The following MTUS1 variants were observed in gnomAD, a reference collection of about 807,000 sequenced individuals.
The protein encoded by MTUS1 is microtubule-associated tumor suppressor 1.
Under a neutral mutation model 120.8 loss-of-function variants are expected in MTUS1, and 109 were observed. The observed-to-expected ratio is 0.90, with a 90% CI of 0.77 to 1.06. MTUS1 has a LOEUF of 1.06. MTUS1 is among the 50% of genes least tolerant of loss of function. MTUS1 has a pLI of 0.00. For missense variants in MTUS1, 2,210 were observed against 1,486.3 expected (o/e 1.49, Z -8.01); for synonymous variants, 737 against 550.5 (o/e 1.34, Z -4.74).
chr8:17,743,774 G>A lies in MTUS1; in HGVS notation c.2117C>T (p.Thr706Ile). 1 of 1,613,972 alleles carries A rather than the reference G, an allele frequency of 6.2e-7. No homozygotes were observed. The highest frequency in any genetic ancestry group is 1.1e-5 in the South Asian group (1 of 91,050). Residue 706 changes from threonine to isoleucine, a missense_variant, in exon 3 of 15, where the codon ACC (threonine) becomes ATC (isoleucine). By Grantham distance (89) the Thr-to-Ile change is moderately conservative. Transcript: ENST00000693296. Reference sequence around the variant, plus strand: ...AGGCTTGGATATATTCCTACCTGAGGTGGTCGTTGTTTTTGAAGCAGAGCC... The same window carrying A: ...AGGCTTGGATATATTCCTACCTGAGATGGTCGTTGTTTTTGAAGCAGAGCC... ...FLGSASKTTT[T>I]SGRNISKPDS...
At chr8:17,797,346 A>C (rs762302218) in intron 1 of MTUS1, among the ~76,000 whole-genome samples, 27 of 152,160 alleles carry the variant, frequency 1.8e-4, no homozygotes, top group Non-Finnish European at 3.7e-4. Flanking sequence ...CTGGGACGTG[A>C]AGGCTGCAGT....
rs932938927 is a variant in MTUS1, at chr8:17,743,803, T to G, written c.2092-4A>C. On this transcript the variant is annotated splice_polypyrimidine_tract_variant and splice_region_variant and intron_variant, in intron 2 of 14. Transcript: ENST00000693296. The stretch of plus-strand genomic sequence containing the variant: ...TCGTTGTTTTTGAAGCAGAGCCCTG[T>G]GAAAATAACAGTTAAGACTGTAAAC... 2 of 1,612,854 alleles carry G rather than the reference T, an allele frequency of 1.2e-6. No homozygotes were observed. The highest frequency in any genetic ancestry group is 1.7e-6 in the Non-Finnish European group (2 of 1,179,432).
At chr8:17,673,908 A>T (rs535139415) in intron 8 of MTUS1, among the ~76,000 whole-genome samples, 3 of 152,294 alleles carry the variant, frequency 2.0e-5, no homozygotes, top group African/African-American at 7.2e-5. Context: ...GGGTGAACAC[A>T]ATTTGCTTCT....
chr8:17,677,139 A>C (rs947195585), intron 7 of MTUS1, among the ~76,000 whole-genome samples: 4 of 152,218 alleles, frequency 2.6e-5, no homozygotes, highest in Non-Finnish European at 5.9e-5. Flanking sequence ...AGAGTTTCTT[A>C]AAATAATAAG....
At chr8:17,672,004 G>T (rs188637706) in intron 8 of MTUS1, among the ~76,000 whole-genome samples, 11 of 152,270 alleles carry the variant, frequency 7.2e-5, no homozygotes, top group Admixed American at 2.0e-4. Context: ...ACTCAAAGAA[G>T]TTAGGTAACA....
At chr8:17,733,556 AGTAGT>A (rs2046737767) in intron 3 of MTUS1, among the ~76,000 whole-genome samples, 1 of 152,192 alleles carries the variant, frequency 6.6e-6, no homozygotes, top group Non-Finnish European at 1.5e-5. Flanking sequence ...CTGGGAAGAG[AGTAGT>A]GTAAACTTGA....
intron 6 of MTUS1, among the ~76,000 whole-genome samples, chr8:17,703,401 T>A (rs7386823): frequency 0.99 from 150,388 of 152,184 alleles, 74,330 homozygotes; most frequent in East Asian, 1. Flanking sequence ...TGGGAGGCTG[T>A]GGCGGGCAGA....
chr8:17,705,298 T>C (rs1367392430), intron 6 of MTUS1, among the ~76,000 whole-genome samples: 1 of 152,338 alleles, frequency 6.6e-6, no homozygotes, highest in Non-Finnish European at 1.5e-5. Context: ...TCTAAGGTTT[T>C]TTAAAGCTTT....
intron 1 of MTUS1, among the ~76,000 whole-genome samples, chr8:17,757,246 A>G (rs117890592): frequency 0.017 from 2,589 of 152,338 alleles, 33 homozygotes; most frequent in South Asian, 0.067. Flanking sequence ...CACATGGTAC[A>G]ACACGGATAT....
intron 3 of MTUS1, among the ~76,000 whole-genome samples, chr8:17,741,767 T>C (rs1201095780): frequency 6.6e-6 from 1 of 152,170 alleles, no homozygotes; most frequent in Non-Finnish European, 1.5e-5. Context: ...CAGAGAATCA[T>C]ACCAGTAACA....
Position 17,755,301 on chromosome 8 carries a change from G to C in MTUS1, c.507C>G (p.Asn169Lys). The C allele has an allele frequency of 1.9e-6, 3 of 1,614,174 alleles. No homozygotes were observed. The highest frequency in any genetic ancestry group is 4.5e-5 in the East Asian group (2 of 44,880). The change falls in exon 2 of 15, where the codon AAC (asparagine) becomes AAG (lysine). Residue 169 changes from asparagine to lysine, a missense_variant. Transcript: ENST00000693296. ...TGGCATGATGTGATATAAAGGTGCA[G>C]TTAACTTTATCCACTGTCATGTCAA... ...QTFDMTVDKV[N>K]CTFISHHAIG... is the part of the protein sequence containing the mutation.
intron 1 of MTUS1, among the ~76,000 whole-genome samples, chr8:17,784,786 G>T (rs1162594506): frequency 2.1e-5 from 2 of 93,620 alleles, no homozygotes; most frequent in East Asian, 5.2e-4. Flanking sequence ...ATAACAAGAA[G>T]AACTTTTTTT....
At chr8:17,674,623 G>A (rs574322849) in intron 8 of MTUS1, 375 of 986,592 alleles carry the variant, frequency 3.8e-4, no homozygotes, top group Non-Finnish European at 4.3e-4. Context: ...GTAAACTGCA[G>A]GGCTGGGTGG....
chr8:17,663,356 C>T (rs187010057), intron 8 of MTUS1, among the ~76,000 whole-genome samples: 7 of 152,334 alleles, frequency 4.6e-5, no homozygotes, highest in Admixed American at 2.6e-4. Context: ...AAGCATTACA[C>T]AGCCATGGCC....
intron 7 of MTUS1, among the ~76,000 whole-genome samples, chr8:17,677,979 G>C (rs1183992368): frequency 6.6e-6 from 1 of 152,138 alleles, no homozygotes; most frequent in Non-Finnish European, 1.5e-5. Context: ...GGCCTACCTA[G>C]AACTAGAACA....
chr8:17,740,677 G>A (rs925632296), intron 3 of MTUS1, among the ~76,000 whole-genome samples: 2 of 152,174 alleles, frequency 1.3e-5, no homozygotes, highest in African/African-American at 2.4e-5. Flanking sequence ...GGCTCAGGCT[G>A]CCATAATAGT....
intron 7 of MTUS1, among the ~76,000 whole-genome samples, chr8:17,680,091 C>A (rs1231109986): frequency 6.6e-6 from 1 of 151,848 alleles, no homozygotes; most frequent in Non-Finnish European, 1.5e-5. Context: ...ATAACACAGA[C>A]AATGAAAGAG....
intron 1 of MTUS1, among the ~76,000 whole-genome samples, chr8:17,795,166 A>T (rs1357092898): frequency 6.6e-6 from 1 of 152,164 alleles, no homozygotes; most frequent in African/African-American, 2.4e-5. Flanking sequence ...TAAGCTAACT[A>T]CCCAACAGTC....
At chr8:17,765,280 G>A (rs1037369412) in intron 1 of MTUS1, among the ~76,000 whole-genome samples, 3 of 152,086 alleles carry the variant, frequency 2.0e-5, no homozygotes, top group African/African-American at 7.2e-5. Context: ...GTGCAGCCCT[G>A]TTCCTAACAG....
Sources: gnomAD v4.1 joint callset for allele counts (sites outside exome capture counted in the v4.1 genomes callset) on GRCh38, gnomAD v4.1.1 for gene constraint, MANE v1.5 for transcripts, NCBI Gene and HGNC (gene_info 2026-07-23, HGNC 2026-07-21) for gene names.